The following NOXRED1 variants were observed in gnomAD, a reference collection of about 807,000 sequenced individuals.
NOXRED1 encodes NADP dependent oxidoreductase domain containing 1.
NOXRED1 carries 20 observed loss-of-function variants against 30.4 expected under a neutral mutation model. The ratio of observed to expected loss-of-function variants is 0.66; its 90% CI spans 0.46 to 0.96. The LOEUF is 0.96. Among genes scored for constraint, NOXRED1 ranks in the 40% least tolerant of loss-of-function variants. The pLI, the probability that NOXRED1 is intolerant of heterozygous loss-of-function variation, is 0.00. For missense variants in NOXRED1, 374 were observed against 428.0 expected (o/e 0.87, Z 1.11); for synonymous variants, 155 against 168.0 (o/e 0.92, Z 0.60).
At chr14:77,405,254 G>A (rs950783061) in intron 5 of NOXRED1, among the ~76,000 whole-genome samples, 5 of 152,196 alleles carry the variant, frequency 3.3e-5, no homozygotes, top group Non-Finnish European at 7.3e-5. Context: ...AATTAGCCAG[G>A]CATGGTGGCA....
intron 4 of NOXRED1, chr14:77,406,377 CA>C: frequency 1.7e-6 from 1 of 594,816 alleles, no homozygotes; most frequent in Non-Finnish European, 3.0e-6. Flanking sequence ...TTGCTAATGG[CA>C]AAAAGTGTCT....
chr14:77,407,867 C>CTTTT (rs556726067), intron 2 of NOXRED1, among the ~76,000 whole-genome samples: 4 of 137,666 alleles, frequency 2.9e-5, no homozygotes, highest in South Asian at 2.3e-4. Context: ...TATAATTCAT[C>CTTTT]TTTTTTTTTT....
intron 2 of NOXRED1, among the ~76,000 whole-genome samples, chr14:77,408,892 A>ATTTTTTATTTTTTTTTTTTT: frequency 1.5e-5 from 1 of 68,154 alleles, no homozygotes; most frequent in Non-Finnish European, 2.7e-5. Context: ...CTGGTAGTTA[A>ATTTTTTATTTTTTTTTTTTT]TTTTTTTTTT....
In NOXRED1 at chr14:77,407,524, G is replaced by A. The variant is rs948315777; in HGVS notation, c.471C>T (p.Tyr157=). The A allele has an allele frequency of 1.2e-6, 2 of 1,614,046 alleles. No individual in the cohort carries two copies. The highest frequency in any genetic ancestry group is 1.7e-6 in the Non-Finnish European group (2 of 1,179,886). Residue 157 remains tyrosine (Y), a synonymous_variant, in exon 3 of 6, where the codon TAC becomes TAT. Coordinates refer to ENST00000380835, the MANE Select transcript of NOXRED1 (RefSeq NM_001113475.3). The part of the protein sequence containing the change: ...SQLPNICVEI[Y]TSLEKASIVY... ...CAATGCTGGCCTTCTCAAGGCTGGT[G>A]TAAATTTCTACGCAGATATTAGGCA...
chr14:77,421,787 C>T (rs577113612), intron 1 of NOXRED1, among the ~76,000 whole-genome samples: 1 of 152,284 alleles, frequency 6.6e-6, no homozygotes, highest in Admixed American at 6.5e-5. Context: ...TCTGTAAAAA[C>T]CAGTGTCTTA....
Position 77,406,023 on chromosome 14 carries a change from G to T in NOXRED1, c.795C>A (p.Leu265=). The change falls in exon 5 of 6, where the codon CTC becomes CTA. Residue 265 remains leucine, a synonymous_variant. Transcript: ENST00000380835. ...HSQVLQLLSE[L]FLSVHFEDCG... ...AGTCTTCAAAGTGCACGGAGAGAAAGAGTTCACTCAGAAGCTGCAGCACTT... is the reference window on the plus strand; with the variant it reads ...AGTCTTCAAAGTGCACGGAGAGAAATAGTTCACTCAGAAGCTGCAGCACTT... 6.2e-7 allele frequency: 1 copy of T among 1,613,598 alleles called. No individual in the cohort carries two copies. Among genetic ancestry groups the T allele is most frequent in the South Asian group, 1.1e-5 (1 of 91,078 alleles).
Position 77,422,792 on chromosome 14 carries a change from A to C in NOXRED1, c.98T>G (p.Leu33Arg). The change falls in exon 1 of 6, where the codon CTG becomes CGG. Residue 33 changes from leucine to arginine, a missense_variant. Physicochemically the swap from Leu to Arg is moderately radical, Grantham distance 102 (BLOSUM62 -2). Transcript: ENST00000380835. The stretch of plus-strand genomic sequence containing the variant: ...TGCATGGGCACAAGCCTCGATCATC[A>C]GTCCCCGAGAACGGCCCTGCAAATA... ...WLYLQGRSRG[L>R]MIEACAHATF... 6.2e-7 allele frequency: 1 copy of C among 1,614,172 alleles called. No individual in the cohort carries two copies. The highest frequency in any genetic ancestry group is 1.6e-4 in the Middle Eastern group (1 of 6,062).
intron 2 of NOXRED1, among the ~76,000 whole-genome samples, chr14:77,411,857 C>G (rs969323548): frequency 1.3e-5 from 2 of 151,910 alleles, no homozygotes; most frequent in Non-Finnish European, 2.9e-5. Context: ...TTTGGGAGGC[C>G]GAGGCAGGCA....
chr14:77,419,549 C>T (rs978224100), intron 1 of NOXRED1, among the ~76,000 whole-genome samples: 12 of 147,794 alleles, frequency 8.1e-5, no homozygotes, highest in East Asian at 2.0e-4. Flanking sequence ...CCCGGGTTCA[C>T]GCCATTCTCC....
intron 1 of NOXRED1, among the ~76,000 whole-genome samples, chr14:77,417,809 T>C (rs1894869966): frequency 6.6e-6 from 1 of 152,164 alleles, no homozygotes; most frequent in Non-Finnish European, 1.5e-5. Flanking sequence ...GAAGGACTTA[T>C]CACTGCCAGT....
chr14:77,396,141 A>G (rs1463636334), intron 5 of NOXRED1, among the ~76,000 whole-genome samples: 2 of 152,190 alleles, frequency 1.3e-5, no homozygotes, highest in African/African-American at 2.4e-5. Flanking sequence ...AGGCAATGCA[A>G]TAAGGCAAGA....
At chr14:77,407,928 C>T (rs910661389) in intron 2 of NOXRED1, among the ~76,000 whole-genome samples, 5 of 147,600 alleles carry the variant, frequency 3.4e-5, no homozygotes, top group Non-Finnish European at 5.9e-5. Flanking sequence ...AGTACACTAG[C>T]GTAATCTCGG....
intron 5 of NOXRED1, among the ~76,000 whole-genome samples, chr14:77,401,322 A>G (rs2139667698): frequency 6.6e-6 from 1 of 152,214 alleles, no homozygotes; most frequent in African/African-American, 2.4e-5. Context: ...CAGTGAGCCA[A>G]GATGGCGCCA....
At position 77,409,809 on chromosome 14, in the gene NOXRED1, GA is replaced by G. The variant is rs200297266; in HGVS notation, c.350-2165del. 7.5e-3 allele frequency among the ~76,000 whole-genome samples: 1,125 copies of G among 150,700 alleles called. 20 individuals carry two copies. The highest frequency in any genetic ancestry group is 0.037 in the South Asian group (179 of 4,788). On this transcript the variant is annotated intron_variant, in intron 2 of 5. Transcript: ENST00000380835. ...GATGGGATAAAGATATATACCTTGA[GA>G]TTTTTTTTTTTTTTTTGAGACAGAG...
intron 5 of NOXRED1, among the ~76,000 whole-genome samples, chr14:77,398,101 C>T (rs1454725703): frequency 6.6e-6 from 1 of 152,136 alleles, no homozygotes; most frequent in East Asian, 1.9e-4. Context: ...AGGAGAAACC[C>T]ATGAGCTGAA....
At chr14:77,419,062 TTCTTTC>T (rs1483249389) in intron 1 of NOXRED1, among the ~76,000 whole-genome samples, 1 of 148,428 alleles carries the variant, frequency 6.7e-6, no homozygotes. Context: ...GGGAAGCTCT[TTCTTTC>T]TCTTTTTTTT....
intron 1 of NOXRED1, among the ~76,000 whole-genome samples, chr14:77,415,122 G>A (rs1894775766): frequency 6.6e-6 from 1 of 152,078 alleles, no homozygotes; most frequent in Non-Finnish European, 1.5e-5. Flanking sequence ...GCTGCAGTGA[G>A]CTGTGCTCGT....
At chr14:77,415,619 T>TAGAC (rs768429555) in intron 1 of NOXRED1, among the ~76,000 whole-genome samples, 23 of 147,278 alleles carry the variant, frequency 1.6e-4, no homozygotes, top group African/African-American at 3.0e-4. Context: ...GATAGATAGA[T>TAGAC]AGATAGATAG....
At chr14:77,414,464 C>T (rs1262648767) in intron 1 of NOXRED1, among the ~76,000 whole-genome samples, 1 of 152,176 alleles carries the variant, frequency 6.6e-6, no homozygotes, top group Non-Finnish European at 1.5e-5. Context: ...CAGGCGAGAG[C>T]CACCGCACCC....
Sources: gnomAD v4.1 joint callset for allele counts (sites outside exome capture counted in the v4.1 genomes callset) on GRCh38, gnomAD v4.1.1 for gene constraint, MANE v1.5 for transcripts, NCBI Gene and HGNC (gene_info 2026-07-23, HGNC 2026-07-21) for gene names.